NFRKB: variants seen among roughly 807,000 people sequenced by gnomAD.
NFRKB encodes the protein nuclear factor related to kappaB binding protein.
In NFRKB, 62 loss-of-function variants were observed where a neutral mutation model predicts 135.7. The observed-to-expected ratio is 0.46, with a 90% confidence interval of 0.37 to 0.56. NFRKB has a LOEUF of 0.56. NFRKB is among the 20% of genes least tolerant of loss of function. The pLI, the probability that NFRKB is intolerant of heterozygous loss-of-function variation, is 0.00. For synonymous variants in NFRKB, 678 were observed against 635.6 expected, an observed-to-expected ratio of 1.07 and a Z score of -1.00; for missense variants, 1,545 against 1,662.0, an observed-to-expected ratio of 0.93 and a Z score of 1.22.
intron 4 of NFRKB, among the ~76,000 whole-genome samples, chr11:129,887,576 G>A (rs556001334): frequency 8.5e-5 from 13 of 152,162 alleles, no homozygotes. Context: ...TATAATTCAA[G>A]TGTCCTGGCT....
chr11:129,875,000 G>C lies in NFRKB; in HGVS notation c.1855-84C>G, dbSNP rs144247991. On this transcript the variant is annotated intron_variant, in intron 18 of 26. Transcript: ENST00000682444. This position sits in a 1 kb window ranked among gnomAD's most constrained non-coding sequence, Gnocchi z 4.5. Reference sequence around the variant, plus strand: ...TGAACTCTAGGAAAAAAATGTCATTGTATCTAAATCACAGCTGATGCAGAT... The same window carrying C: ...TGAACTCTAGGAAAAAAATGTCATTCTATCTAAATCACAGCTGATGCAGAT... 1 of 1,546,484 alleles carries C rather than the reference G, an allele frequency of 6.5e-7. No individual in the cohort carries two copies. The highest frequency in any genetic ancestry group is 1.1e-5 in the South Asian group (1 of 88,336).
In NFRKB at chr11:129,881,457, T is replaced by C. The variant is rs748337988; in HGVS notation, c.1370A>G (p.Gln457Arg). The C allele has an allele frequency of 5.6e-6, 9 of 1,614,180 alleles. No individual in the cohort carries two copies. The South Asian group carries it at 9.9e-5, about 18-fold the overall frequency. Residue 457 changes from glutamine to arginine, a missense_variant, in exon 13 of 27, where the codon CAG becomes CGG. Around this residue, in one of 3 missense-constraint regions of NFRKB, gnomAD observed 678 missense variants for 646.7 expected, o/e 1.05. Coordinates refer to ENST00000682444, the MANE Select transcript of NFRKB (RefSeq NM_001143835.2). ...GGATCACTTACCAAGCAACTTCCAC[T>C]GCTGGGTTTTCTCTTTGAATTCAAC... ...PFVEFKEKTQQWKLLGQSQDN... is the reference protein window; with the variant it reads ...PFVEFKEKTQRWKLLGQSQDN...
intron 18 of NFRKB, 72 bp downstream of exon 18, chr11:129,875,284 AT>A (rs1342617029): frequency 3.2e-6 from 4 of 1,244,548 alleles, no homozygotes; most frequent in Admixed American, 2.3e-5. Context: ...ATTTTGTTAT[AT>A]TTTGTATTTC....
intron 2 of NFRKB, chr11:129,893,369 A>G (rs1262147037): frequency 3.0e-6 from 1 of 333,588 alleles, no homozygotes; most frequent in South Asian, 2.2e-5. Flanking sequence ...CCTAGCGAAC[A>G]TGGCAAAACC....
In NFRKB at chr11:129,866,330, G is replaced by C. The variant is rs139845410; in HGVS notation, c.3532-347C>G. Reference sequence around the variant, plus strand: ...AAGATTCTGAGTTCCTTGGAGGACAGAGGCTTATCTCTGTATCCCTCAGTA... The same window carrying C: ...AAGATTCTGAGTTCCTTGGAGGACACAGGCTTATCTCTGTATCCCTCAGTA... On this transcript the variant is annotated intron_variant, in intron 24 of 26. Coordinates refer to ENST00000682444, the MANE Select transcript of NFRKB (RefSeq NM_001143835.2). Among the ~76,000 whole-genome samples the C allele has an allele frequency of 4.2e-3, 635 of 152,262 alleles. 5 individuals carry two copies. The highest frequency in any genetic ancestry group is 0.015 in the African/African-American group (603 of 41,538).
intron 13 of NFRKB, among the ~76,000 whole-genome samples, chr11:129,878,833 G>A (rs956826738): frequency 2.0e-5 from 3 of 152,212 alleles, no homozygotes; most frequent in Non-Finnish European, 4.4e-5. Context: ...CCACCCTCAT[G>A]GGAGTTTATA....
intron 3 of NFRKB, among the ~76,000 whole-genome samples, chr11:129,891,191 G>A (rs747979145): frequency 1.3e-5 from 2 of 152,120 alleles, no homozygotes; most frequent in African/African-American, 2.4e-5. Flanking sequence ...AGATGCAATC[G>A]TGCCATGACT....
chr11:129,881,779 G>A lies in NFRKB; in HGVS notation c.1266C>T (p.Asn422=). Residue 422 remains asparagine, a synonymous_variant, in exon 12 of 27, where the codon AAC becomes AAT. Transcript: ENST00000682444. ...SLNSWFSAAP[N]WAELVLPALQ... ...GGGCTGGTAGTACCAACTCAGCCCA[G>A]TTGGGGGCCGCAGAGAACCAGCTGT... 6.2e-7 allele frequency: 1 copy of A among 1,614,076 alleles called. No individual in the cohort carries two copies. The highest frequency in any genetic ancestry group is 8.5e-7 in the Non-Finnish European group (1 of 1,180,008).
chr11:129,894,428 A>G lies in NFRKB; in HGVS notation c.-91T>C, dbSNP rs1214475838. 6.6e-6 allele frequency: 1 copy of G among 152,174 alleles called. No homozygotes were observed. The highest frequency in any genetic ancestry group is 2.4e-5 in the African/African-American group (1 of 41,440). The allele number at this position is 152,174 out of a possible 1,614,324, so 9.4% of individuals were successfully genotyped here. A position where few individuals can be genotyped will look rare whatever the true frequency, so the allele number is the denominator to read the frequency against. ...CAGGTCCTCCCTCCCGTTATTTCCA[A>G]TTCTGGAATCCTGCAATGAATAATC... On this transcript the variant is annotated 5_prime_UTR_variant, in exon 2 of 27. Coordinates refer to ENST00000682444, the MANE Select transcript of NFRKB (RefSeq NM_001143835.2).
At chr11:129,888,490 G>C in intron 4 of NFRKB, 104 bp downstream of exon 4, 1 of 1,189,096 alleles carries the variant, frequency 8.4e-7, no homozygotes, top group Non-Finnish European at 1.2e-6. Context: ...CTCAGTATCT[G>C]TACATGAAGA....
intron 3 of NFRKB, among the ~76,000 whole-genome samples, chr11:129,890,042 G>GT (rs1232448319): frequency 2.0e-3 from 165 of 82,824 alleles, no homozygotes; most frequent in Non-Finnish European, 3.5e-3. Context: ...TTTTTTTTTT[G>GT]TTTTTTTAGA....
chr11:129,877,987 T>A (rs1029656909), intron 15 of NFRKB, among the ~76,000 whole-genome samples: 1 of 152,132 alleles, frequency 6.6e-6, no homozygotes, highest in Non-Finnish European at 1.5e-5. Context: ...ATGCTTCCAT[T>A]TACTGGACTA....
chr11:129,872,071 A>G (rs1948536464), intron 23 of NFRKB, among the ~76,000 whole-genome samples: 1 of 151,892 alleles, frequency 6.6e-6, no homozygotes, highest in Non-Finnish European at 1.5e-5. Flanking sequence ...GCTTTCTTTC[A>G]TCTCTTTCAA....
chr11:129,875,645 T>C (rs1948728406), intron 17 of NFRKB, among the ~76,000 whole-genome samples, 182 bp from the exon 18 acceptor site: 2 of 146,922 alleles, frequency 1.4e-5, no homozygotes, highest in South Asian at 4.3e-4. Context: ...GAGTTCCCTA[T>C]ACACTTCTTT....
intron 2 of NFRKB, chr11:129,893,440 G>C (rs998764912): frequency 9.6e-6 from 3 of 313,498 alleles, no homozygotes; most frequent in Non-Finnish European, 1.9e-5. Context: ...CACGCCTGTA[G>C]TCCCAGCTAC....
chr11:129,885,646 C>A, intron 5 of NFRKB, 37 bp from the exon 6 acceptor site: 2 of 1,564,458 alleles, frequency 1.3e-6, no homozygotes, highest in South Asian at 2.3e-5. Context: ...AGTCATCATC[C>A]AAGACCTGTT....
intron 5 of NFRKB, among the ~76,000 whole-genome samples, 178 bp from the exon 6 acceptor site, chr11:129,885,787 G>GA (rs1234091017): frequency 6.6e-6 from 1 of 152,218 alleles, no homozygotes; most frequent in African/African-American, 2.4e-5. Flanking sequence ...TTGATTACAT[G>GA]AAAAATCCCA....
Position 129,869,965 on chromosome 11 carries a change from A to G in NFRKB, c.3060T>C (p.Ala1020=), listed in dbSNP as rs747985946. Residue 1020 remains alanine (A), a synonymous_variant, in exon 24 of 27, where the codon GCT becomes GCC. Transcript: ENST00000682444. ...CTGAACTGGCCTTGGCAGGGCTATCAGCTGCATGTACTGGATTGGAAGTGA... is the reference window on the plus strand; with the variant it reads ...CTGAACTGGCCTTGGCAGGGCTATCGGCTGCATGTACTGGATTGGAAGTGA... ...LHVTSNPVHA[A]DSPAKASSAS... 1.9e-6 allele frequency: 3 copies of G among 1,614,246 alleles called. No homozygotes were observed. The highest frequency in any genetic ancestry group is 2.2e-5 in the South Asian group (2 of 91,084).
chr11:129,873,021 C>G lies in NFRKB; in HGVS notation c.2626G>C (p.Gly876Arg). 6.2e-7 allele frequency: 1 copy of G among 1,614,204 alleles called. No individual in the cohort carries two copies. Among genetic ancestry groups the G allele is most frequent in the Non-Finnish European group, 8.5e-7 (1 of 1,180,040 alleles). The stretch of plus-strand genomic sequence containing the variant: ...GCAGGGAGACTTGTCACCGTGAGCC[C>G]TGTCTGCCCGGGTCCAGGCCGCTGC... ...TVQRPGPGQT[G>R]LTVTSLPATA... Residue 876 changes from glycine (G) to arginine (R), a missense_variant, in exon 23 of 27, where the codon GGG becomes CGG. By Grantham distance (125) the Gly-to-Arg change is moderately radical. This residue lies in a region of NFRKB where 753 missense variants were observed against 804.3 expected (regional missense o/e 0.94). Coordinates refer to ENST00000682444, the MANE Select transcript of NFRKB (RefSeq NM_001143835.2).
Sources: allele counts gnomAD v4.1 joint callset (sites outside exome capture counted in the v4.1 genomes callset), GRCh38; gene constraint gnomAD v4.1.1; regional missense constraint gnomAD v4.1.1; non-coding constraint Gnocchi (gnomAD v3.1); transcripts MANE v1.5; gene names NCBI Gene and HGNC (gene_info 2026-07-23, HGNC 2026-07-21).